KIRREL3: variants seen among roughly 807,000 people sequenced by gnomAD.
KIRREL3 encodes kirre like nephrin family adhesion molecule 3, also known as kin of IRRE-like protein 3.
In KIRREL3, 36 loss-of-function variants were observed where a neutral mutation model predicts 89.7. The ratio of observed to expected loss-of-function variants is 0.40; its 90% CI spans 0.31 to 0.53. The LOEUF is 0.53. Ranked by LOEUF, KIRREL3 falls within the 20% of genes least tolerant of loss-of-function variation. The pLI is 0.49. For missense variants in KIRREL3, 864 were observed against 1,056.6 expected (o/e 0.82, Z 2.53); for synonymous variants, 445 against 441.4 (o/e 1.01, Z -0.10).
intron 1 of KIRREL3, among the ~76,000 whole-genome samples, chr11:126,857,584 C>G (rs1944561149): frequency 6.6e-6 from 1 of 152,148 alleles, no homozygotes; most frequent in Non-Finnish European, 1.5e-5. Flanking sequence ...GGAATCCTTG[C>G]TCAGGGTCTG....
intron 1 of KIRREL3, among the ~76,000 whole-genome samples, chr11:126,630,732 A>G (rs1034617112): frequency 1.3e-5 from 2 of 152,072 alleles, no homozygotes; most frequent in African/African-American, 2.4e-5. Context: ...CTCCCAGCCT[A>G]AGAGCTTGTC....
intron 1 of KIRREL3, among the ~76,000 whole-genome samples, chr11:126,787,850 G>C (rs542148959): frequency 6.6e-6 from 1 of 152,190 alleles, no homozygotes; most frequent in Admixed American, 6.5e-5. Flanking sequence ...AATGGAAGCA[G>C]GTCTACTCTG....
rs984026759 is a variant in KIRREL3, at chr11:126,491,650, C to T, written c.434-18184G>A. ...ACATGCCCAAAGCAGCCAAGATTAC[C>T]GTTTCTTTGTGCTCCCCACACACAG... is the stretch of plus-strand genomic sequence containing the variant. On this transcript the variant is annotated intron_variant, in intron 4 of 16. Coordinates refer to ENST00000525144, the MANE Select transcript of KIRREL3 (RefSeq NM_032531.4). The surrounding 1 kb of genome is among the most constrained non-coding windows in gnomAD (Gnocchi z 5.5). Among the ~76,000 whole-genome samples the T allele has an allele frequency of 5.3e-5, 8 of 152,148 alleles. No homozygotes were observed. The highest frequency in any genetic ancestry group is 1.7e-4 in the African/African-American group (7 of 41,446).
intron 1 of KIRREL3, among the ~76,000 whole-genome samples, chr11:126,789,261 C>G (rs537456140): frequency 7.2e-5 from 11 of 152,264 alleles, no homozygotes; most frequent in African/African-American, 2.6e-4. Context: ...CCAACCCTTG[C>G]CACGTGCAGT....
intron 4 of KIRREL3, among the ~76,000 whole-genome samples, chr11:126,478,171 C>G (rs1012011295): frequency 1.3e-5 from 2 of 151,792 alleles, no homozygotes; most frequent in Admixed American, 1.3e-4. Flanking sequence ...CCCTGCTCCT[C>G]TCTGTCTGTA....
At chr11:126,893,450 G>A (rs78125139) in intron 1 of KIRREL3, among the ~76,000 whole-genome samples, 8 of 152,308 alleles carry the variant, frequency 5.3e-5, no homozygotes, top group South Asian at 2.1e-4. Context: ...TTTGGTATGC[G>A]TGGGGATGCC....
intron 10 of KIRREL3, among the ~76,000 whole-genome samples, chr11:126,444,237 C>T (rs1591541879): frequency 2.0e-5 from 3 of 152,268 alleles, no homozygotes; most frequent in East Asian, 1.9e-4. Context: ...TCAAGGGGGC[C>T]CCTGAACACG....
chr11:126,686,624 G>A lies in KIRREL3; in HGVS notation c.56-123712C>T, dbSNP rs1292182801. ...AGACAGAGTCTCACTGTGTGGCACA[G>A]GCTGGAGTGCAGTGGCGTGATCTTG... On this transcript the variant is annotated intron_variant, in intron 1 of 16. Transcript: ENST00000525144. The surrounding 1 kb of genome is among the most constrained non-coding windows in gnomAD (Gnocchi z 4.7). Among the ~76,000 whole-genome samples the A allele has an allele frequency of 6.6e-6, 1 of 152,138 alleles. No homozygotes were observed. The highest frequency in any genetic ancestry group is 2.4e-5 in the African/African-American group (1 of 41,418).
chr11:126,732,780 T>C (rs565083340), intron 1 of KIRREL3, among the ~76,000 whole-genome samples: 243 of 152,324 alleles, frequency 1.6e-3, no homozygotes, highest in African/African-American at 5.5e-3. Context: ...AAGGAGAATT[T>C]GGGATCTAAC....
chr11:126,768,313 A>G lies in KIRREL3; in HGVS notation c.56-205401T>C, dbSNP rs1949911683. Among the ~76,000 whole-genome samples the G allele has an allele frequency of 6.6e-6, 1 of 151,806 alleles. No homozygotes were observed. The highest frequency in any genetic ancestry group is 2.1e-4 in the South Asian group (1 of 4,810). ...ATCCATCCATCCATCCAATCTGTCC[A>G]TCTGTCCATCCATACTGCATCCATC... On this transcript the variant is annotated intron_variant, in intron 1 of 16. Transcript: ENST00000525144. The surrounding 1 kb of genome is among the most constrained non-coding windows in gnomAD (Gnocchi z 4.5).
At chr11:126,529,933 G>A (rs1177576462) in intron 2 of KIRREL3, among the ~76,000 whole-genome samples, 1 of 145,408 alleles carries the variant, frequency 6.9e-6, no homozygotes, top group Non-Finnish European at 1.5e-5. Flanking sequence ...GAGGTGCTTT[G>A]GATGAAGGTG....
At chr11:126,842,045 G>A (rs771950572) in intron 1 of KIRREL3, among the ~76,000 whole-genome samples, 2 of 152,164 alleles carry the variant, frequency 1.3e-5, no homozygotes, top group African/African-American at 2.4e-5. Context: ...GAGTGGATGC[G>A]TGTCCACTGA....
At position 126,579,642 on chromosome 11, in the gene KIRREL3, T is replaced by G. The variant is rs533290178; in HGVS notation, c.56-16730A>C. On this transcript the variant is annotated intron_variant, in intron 1 of 16. Transcript: ENST00000525144. This position sits in a 1 kb window ranked among gnomAD's most constrained non-coding sequence, Gnocchi z 5.3. ...AAATGCACCACCTGTGGCCCTAGAG[T>G]GGGGAGCATTGAGGTTGGATGGCAT... 1.3e-3 allele frequency among the ~76,000 whole-genome samples: 201 copies of G among 151,852 alleles called. 5 individuals carry two copies. In the South Asian group the frequency reaches 0.04, roughly 31 times the overall value.
At chr11:126,829,677 G>C (rs1943539140) in intron 1 of KIRREL3, among the ~76,000 whole-genome samples, 1 of 152,162 alleles carries the variant, frequency 6.6e-6, no homozygotes, top group African/African-American at 2.4e-5. Flanking sequence ...TGGGTGCCAG[G>C]GACCAAGCAT....
rs1949641713 is a variant in KIRREL3, at chr11:126,978,597, G to T, written c.55+21858C>A. The stretch of plus-strand genomic sequence containing the variant: ...GTTCTGGCCACGCCCAGCTCCGTGT[G>T]GGTCCCTGAGTGGTCTACGTTCTCC... On this transcript the variant is annotated intron_variant, in intron 1 of 16. Transcript: ENST00000525144. This position sits in a 1 kb window ranked among gnomAD's most constrained non-coding sequence, Gnocchi z 4.2. Among the ~76,000 whole-genome samples the T allele has an allele frequency of 6.6e-6, 1 of 152,030 alleles. No homozygotes were observed. Among genetic ancestry groups the T allele is most frequent in the Non-Finnish European group, 1.5e-5 (1 of 68,006 alleles).
chr11:126,757,792 A>G (rs1341101066), intron 1 of KIRREL3, among the ~76,000 whole-genome samples: 1 of 152,212 alleles, frequency 6.6e-6, no homozygotes, highest in Non-Finnish European at 1.5e-5. Flanking sequence ...GCTCATATTC[A>G]CCACTAGCTA....
rs144357498 is a variant in KIRREL3, at chr11:126,515,392, G to A, written c.433+5923C>T. Among the ~76,000 whole-genome samples, 111 of 152,318 alleles carry A rather than the reference G, an allele frequency of 7.3e-4. No homozygotes were observed. Among genetic ancestry groups the A allele is most frequent in the Non-Finnish European group, 9.3e-4 (63 of 68,040 alleles). On this transcript the variant is annotated intron_variant, in intron 4 of 16. Coordinates refer to ENST00000525144, the MANE Select transcript of KIRREL3 (RefSeq NM_032531.4). The surrounding 1 kb of genome is among the most constrained non-coding windows in gnomAD (Gnocchi z 4.2). The stretch of plus-strand genomic sequence containing the variant: ...TTGAGCCAGGGAGGTCGAGGCTGCA[G>A]TGAGCCATAATAGTGCCACTGCACT...
intron 1 of KIRREL3, among the ~76,000 whole-genome samples, chr11:126,864,675 A>T (rs1269885348): frequency 6.6e-6 from 1 of 152,214 alleles, no homozygotes; most frequent in East Asian, 1.9e-4. Flanking sequence ...TGTGCTTCAC[A>T]TGTATTCATC....
intron 1 of KIRREL3, among the ~76,000 whole-genome samples, chr11:126,597,005 A>G (rs889906384): frequency 2.6e-5 from 4 of 152,250 alleles, no homozygotes; most frequent in African/African-American, 9.6e-5. Context: ...AAAGTCATTC[A>G]GAGGAAAACA....
Sources: gnomAD v4.1 joint callset for allele counts (sites outside exome capture counted in the v4.1 genomes callset) on GRCh38, gnomAD v4.1.1 for gene constraint, Gnocchi (gnomAD v3.1) non-coding constraint, MANE v1.5 for transcripts, NCBI Gene and HGNC (gene_info 2026-07-23, HGNC 2026-07-21) for gene names.